Variants in LTBP1 observed in about 807,000 individuals in gnomAD.
LTBP1 encodes latent transforming growth factor beta binding protein 1.
In LTBP1, 129 loss-of-function variants were observed where a neutral mutation model predicts 207.6. That is an observed-to-expected ratio of 0.62 (90% CI 0.54 to 0.72). The LOEUF (loss-of-function observed/expected upper bound fraction) is 0.72. Ranked by LOEUF, LTBP1 falls within the 30% of genes least tolerant of loss-of-function variation. The pLI is 0.00. For synonymous variants in LTBP1, 963 were observed against 833.7 expected (o/e 1.16, Z -2.67); for missense variants, 2,281 against 2,217.2 (o/e 1.03, Z -0.58).
chr2:33,126,316 C>T (rs1056467366), intron 4 of LTBP1, among the ~76,000 whole-genome samples: 7 of 152,152 alleles, frequency 4.6e-5, no homozygotes, highest in Admixed American at 3.3e-4. Flanking sequence ...CAATCCTCCC[C>T]CTCAGCCTCC....
chr2:33,369,852 G>A (rs1235647855), intron 31 of LTBP1, among the ~76,000 whole-genome samples: 1 of 152,200 alleles, frequency 6.6e-6, no homozygotes, highest in Non-Finnish European at 1.5e-5. Context: ...CCTATGATTA[G>A]TTGGCATTCC....
chr2:33,117,250 C>T (rs539667020), intron 4 of LTBP1, among the ~76,000 whole-genome samples: 1 of 152,300 alleles, frequency 6.6e-6, no homozygotes, highest in African/African-American at 2.4e-5. Context: ...CACACGAGGC[C>T]TCTTCTTTCT....
At chr2:33,328,614 C>T (rs1455298749) in intron 24 of LTBP1, among the ~76,000 whole-genome samples, 3 of 152,328 alleles carry the variant, frequency 2.0e-5, no homozygotes, top group South Asian at 2.1e-4. Context: ...GACTTACTCA[C>T]TATCATGAGA....
intron 2 of LTBP1, among the ~76,000 whole-genome samples, chr2:32,952,915 A>G (rs1015734641): frequency 2.0e-5 from 3 of 152,208 alleles, no homozygotes; most frequent in Non-Finnish European, 2.9e-5. Context: ...CAGGCCTTCC[A>G]TACACGCATG....
intron 24 of LTBP1, among the ~76,000 whole-genome samples, chr2:33,329,532 A>G (rs1017894867): frequency 7.9e-5 from 12 of 152,090 alleles, no homozygotes; most frequent in Non-Finnish European, 8.8e-5. Context: ...CACATTTTAA[A>G]TTTGGATTTG....
At chr2:33,052,636 T>A (rs1379993903) in intron 3 of LTBP1, among the ~76,000 whole-genome samples, 2 of 152,234 alleles carry the variant, frequency 1.3e-5, no homozygotes, top group African/African-American at 4.8e-5. Context: ...GAAAGTGTGA[T>A]CCTAAGGGAA....
chr2:33,280,299 C>A, intron 19 of LTBP1, 141 bp downstream of exon 19: 1 of 808,424 alleles, frequency 1.2e-6, no homozygotes, highest in Non-Finnish European at 1.8e-6. Flanking sequence ...TTCCCAGTAA[C>A]TTTTAACCAT....
intron 15 of LTBP1, among the ~76,000 whole-genome samples, chr2:33,269,360 T>C (rs1197792089): frequency 6.6e-6 from 1 of 152,048 alleles, no homozygotes; most frequent in Non-Finnish European, 1.5e-5. Context: ...GCAAAAGAAA[T>C]AGAATAAGGT....
At chr2:33,198,334 A>G (rs954115344) in intron 7 of LTBP1, among the ~76,000 whole-genome samples, 3 of 152,204 alleles carry the variant, frequency 2.0e-5, no homozygotes, top group Non-Finnish European at 4.4e-5. Context: ...ATCAATGTTC[A>G]TCAAGGATAT....
At chr2:33,188,426 T>C (rs1404967409) in intron 6 of LTBP1, 151 bp from the exon 7 acceptor site, 1 of 287,936 alleles carries the variant, frequency 3.5e-6, no homozygotes, top group Non-Finnish European at 5.9e-6. Flanking sequence ...AAACTCCATC[T>C]CAAAAAAAAA....
chr2:33,379,798 T>G (rs1434181361), intron 31 of LTBP1, among the ~76,000 whole-genome samples: 2 of 152,272 alleles, frequency 1.3e-5, no homozygotes, highest in Non-Finnish European at 2.9e-5. Context: ...AGTGTTATTT[T>G]CATATTACAT....
intron 19 of LTBP1, among the ~76,000 whole-genome samples, chr2:33,282,504 G>C (rs1640996586): frequency 6.6e-6 from 1 of 152,152 alleles, no homozygotes; most frequent in Non-Finnish European, 1.5e-5. Flanking sequence ...GTGACAAAAA[G>C]CAGATATTGC....
rs1483982590 is a variant in LTBP1 at position 33,360,590 on chromosome 2, C to T, written c.4001-7C>T. ...TATTGTCACTCTACTTTCTCTACTC[C>T]ATTTAGATTTAGATGTAGATGTAGA... On this transcript the variant is annotated splice_polypyrimidine_tract_variant and splice_region_variant and intron_variant, in intron 26 of 33. Coordinates refer to ENST00000404816, the MANE Select transcript of LTBP1 (RefSeq NM_206943.4). 4 of 1,601,166 alleles carry T rather than the reference C, an allele frequency of 2.5e-6. No homozygotes were observed. The highest frequency in any genetic ancestry group is 3.4e-6 in the Non-Finnish European group (4 of 1,168,340).
intron 9 of LTBP1, among the ~76,000 whole-genome samples, chr2:33,234,779 A>G (rs923112152): frequency 1.3e-5 from 2 of 152,204 alleles, no homozygotes; most frequent in African/African-American, 4.8e-5. Context: ...TCCTAAGGAA[A>G]AAGAACAAAG....
intron 3 of LTBP1, among the ~76,000 whole-genome samples, chr2:33,066,429 G>T (rs1446814136): frequency 1.3e-5 from 2 of 152,102 alleles, no homozygotes; most frequent in Non-Finnish European, 2.9e-5. Flanking sequence ...TGTTTTTAGT[G>T]GCATGTGTAT....
At chr2:33,074,243 G>A (rs1412198633) in intron 3 of LTBP1, among the ~76,000 whole-genome samples, 5 of 152,194 alleles carry the variant, frequency 3.3e-5, no homozygotes, top group African/African-American at 4.8e-5. Context: ...GAAAAGAGAC[G>A]TAGCTGCAAA....
chr2:33,156,169 G>A (rs561867988), intron 5 of LTBP1, among the ~76,000 whole-genome samples: 154 of 152,272 alleles, frequency 1.0e-3, no homozygotes, highest in African/African-American at 3.2e-3. Context: ...ACTAAGGCCC[G>A]AAGAGGTTAA....
intron 4 of LTBP1, among the ~76,000 whole-genome samples, chr2:33,116,925 A>G (rs1007651193): frequency 4.6e-5 from 7 of 152,228 alleles, no homozygotes; most frequent in African/African-American, 1.2e-4. Flanking sequence ...TTCTGACAGA[A>G]GAAAATGTAA....
At chr2:32,978,275 G>C (rs1017645410) in intron 2 of LTBP1, among the ~76,000 whole-genome samples, 6 of 152,102 alleles carry the variant, frequency 3.9e-5, no homozygotes, top group African/African-American at 1.4e-4. Context: ...ATAAAAGTGG[G>C]CCTCCTTGTC....
Sources: allele counts gnomAD v4.1 joint callset (sites outside exome capture counted in the v4.1 genomes callset), GRCh38; gene constraint gnomAD v4.1.1; transcripts MANE v1.5; gene names NCBI Gene and HGNC (gene_info 2026-07-23, HGNC 2026-07-21).